CARD6: variants seen among roughly 807,000 people sequenced by gnomAD.
CARD6 encodes the protein caspase recruitment domain family member 6.
A neutral mutation model predicts 23.6 loss-of-function variants in CARD6; 27 were observed. The observed-to-expected ratio is 1.14, with a 90% CI of 0.84 to 1.58. The LOEUF (loss-of-function observed/expected upper bound fraction) is 1.58. Among genes scored for constraint, CARD6 ranks in the 40% most tolerant of loss-of-function variants. The pLI, the probability that CARD6 is intolerant of heterozygous loss-of-function variation, is 0.00. For missense variants in CARD6, 1,214 were observed against 1,209.9 expected (o/e 1.00, Z -0.05); for synonymous variants, 397 against 431.8 (o/e 0.92, Z 1.00).
In CARD6 at chr5:40,852,743, C is replaced by T. The variant is rs776683333; in HGVS notation, c.1411C>T (p.Leu471Phe). The T allele has an allele frequency of 1.9e-6, 3 of 1,613,830 alleles. No homozygotes were observed. Among genetic ancestry groups the T allele is most frequent in the Non-Finnish European group, 1.7e-6 (2 of 1,179,878 alleles). Residue 471 changes from leucine to phenylalanine, a missense_variant, in exon 3 of 3, where the codon CTC becomes TTC. Transcript: ENST00000254691. ...CTGTAGCTTCTCTAAGTCCAGAATC[C>T]TCAACACACTTCTCAGCCCTGCCCA... ...GYCSFSKSRI[L>F]NTLLSPAQLK...
chr5:40,842,973 G>A (rs558623435), intron 1 of CARD6, among the ~76,000 whole-genome samples, 179 bp from the exon 2 acceptor site: 24 of 152,330 alleles, frequency 1.6e-4, no homozygotes, highest in African/African-American at 5.3e-4. Context: ...GGGAGGTTGA[G>A]GTTGCAGTGA....
At chr5:40,843,964 T>C (rs1019240210) in intron 2 of CARD6, among the ~76,000 whole-genome samples, 1 of 152,216 alleles carries the variant, frequency 6.6e-6, no homozygotes, top group Non-Finnish European at 1.5e-5. Context: ...ATTTCTGTAG[T>C]TCGTATAAGG....
At position 40,852,645 on chromosome 5, in the gene CARD6, G is replaced by A. The variant is rs1278581371; in HGVS notation, c.1313G>A (p.Gly438Glu). Residue 438 changes from glycine (G) to glutamate (E), a missense_variant, in exon 3 of 3, where the codon GGG becomes GAG. By Grantham distance (98) the Gly-to-Glu change is moderately conservative. Transcript: ENST00000254691. ...VKKQSTQFSG[G>E]PTEDTEKFLT... ...AAGCAGTCAACACAGTTTTCAGGGG[G>A]GCCTACAGAGGATACAGAAAAGTTT... 1 of 1,614,152 alleles carries A rather than the reference G, an allele frequency of 6.2e-7. No homozygotes were observed. The highest frequency in any genetic ancestry group is 1.1e-5 in the South Asian group (1 of 91,076).
Position 40,853,893 on chromosome 5 carries a change from C to G in CARD6, c.2561C>G (p.Ser854Cys), listed in dbSNP as rs758324008. The change falls in exon 3 of 3, where the codon TCC becomes TGC. Residue 854 changes from serine to cysteine, a missense_variant. By Grantham distance (112) the Ser-to-Cys change is moderately radical. Transcript: ENST00000254691. ...GCCTCCAAGATAGGTCACTCCTATTCCCTGGATTCACAGCCAGCAAGAGCA... is the reference window on the plus strand; with the variant it reads ...GCCTCCAAGATAGGTCACTCCTATTGCCTGGATTCACAGCCAGCAAGAGCA... ...AVASKIGHSY[S>C]LDSQPARAVG... 7.4e-6 allele frequency: 12 copies of G among 1,614,040 alleles called. No homozygotes were observed. The highest frequency in any genetic ancestry group is 1.1e-5 in the South Asian group (1 of 91,090).
At position 40,852,177 on chromosome 5, in the gene CARD6, G is replaced by GA; in HGVS notation, c.851dup (p.Val285GlyfsTer3). 4 of 1,594,122 alleles carry GA rather than the reference G, an allele frequency of 2.5e-6. No individual in the cohort carries two copies. Among genetic ancestry groups the GA allele is most frequent in the Non-Finnish European group, 3.4e-6 (4 of 1,167,362 alleles). On this transcript the variant is annotated frameshift_variant, in exon 3 of 3. Transcript: ENST00000254691. LOFTEE classifies it low-confidence loss of function (END_TRUNC). Reference sequence around the variant, plus strand: ...ACTATTATCTTCTCTCCTACAGAAAGAAAAAAGGTGTTTAAAGATGTCCTG... The same window carrying GA: ...ACTATTATCTTCTCTCCTACAGAAAGAAAAAAAGGTGTTTAAAGATGTCCTG...
chr5:40,843,150 A>G lies in CARD6; in HGVS notation c.284-2A>G. Reference sequence around the variant, plus strand: ...TGGGAAAAACAATTCTTTTCTTTGCAGAAGTTTTAAAACATGAGAATACAG... The same window carrying G: ...TGGGAAAAACAATTCTTTTCTTTGCGGAAGTTTTAAAACATGAGAATACAG... On this transcript the variant is annotated splice_acceptor_variant, in intron 1 of 2. Transcript: ENST00000254691. LOFTEE classifies it high-confidence loss of function. The G allele has an allele frequency of 6.4e-7, 1 of 1,562,818 alleles. No homozygotes were observed. Among genetic ancestry groups the G allele is most frequent in the African/African-American group, 1.4e-5 (1 of 72,314 alleles).
chr5:40,843,158 T>G lies in CARD6; in HGVS notation c.290T>G (p.Leu97Ter). 2.5e-6 allele frequency: 4 copies of G among 1,570,756 alleles called. No individual in the cohort carries two copies. The South Asian group carries it at 4.8e-5, about 19-fold the overall frequency. Residue 97 changes from leucine to a stop codon, truncating the protein, a stop_gained, in exon 2 of 3, where the codon TTA (leucine) becomes TGA (stop). Coordinates refer to ENST00000254691, the MANE Select transcript of CARD6 (RefSeq NM_032587.4). LOFTEE classifies it high-confidence loss of function. ...ACAATTCTTTTCTTTGCAGAAGTTT[T>G]AAAACATGAGAATACAGTACCTCCT... ...AAICGLRHEV[L>*]KHENTVPPQS...
At position 40,852,279 on chromosome 5, in the gene CARD6, A is replaced by G. The variant is rs1310279332; in HGVS notation, c.947A>G (p.Lys316Arg). The part of the protein sequence containing the change: ...VKQFSLDRGC[K>R]WTPESPGDLA... Reference sequence around the variant, plus strand: ...CAATTCTCCTTAGATCGAGGATGTAAGTGGACCCCTGAGAGTCCAGGAGAC... The same window carrying G: ...CAATTCTCCTTAGATCGAGGATGTAGGTGGACCCCTGAGAGTCCAGGAGAC... Residue 316 changes from lysine (K) to arginine (R), a missense_variant, in exon 3 of 3, where the codon AAG becomes AGG. By Grantham distance (26) the Lys-to-Arg change is conservative. Coordinates refer to ENST00000254691, the MANE Select transcript of CARD6 (RefSeq NM_032587.4). 2 of 1,614,088 alleles carry G rather than the reference A, an allele frequency of 1.2e-6. No individual in the cohort carries two copies. Among genetic ancestry groups the G allele is most frequent in the Middle Eastern group, 3.3e-4 (2 of 6,062 alleles).
In CARD6 at chr5:40,852,702, T is replaced by C. The variant is rs1746091158; in HGVS notation, c.1370T>C (p.Phe457Ser). The C allele has an allele frequency of 1.2e-6, 2 of 1,614,140 alleles. No homozygotes were observed. Among genetic ancestry groups the C allele is most frequent in the Middle Eastern group, 1.7e-4 (1 of 6,060 alleles). Reference protein sequence around the residue: ...LTLMKMPVISFVRLGYCSFSK... With the variant: ...LTLMKMPVISSVRLGYCSFSK... ...CTCATGAAGATGCCTGTCATCTCTTTTGTGCGTCTAGGATACTGTAGCTTC... is the reference window on the plus strand; with the variant it reads ...CTCATGAAGATGCCTGTCATCTCTTCTGTGCGTCTAGGATACTGTAGCTTC... Residue 457 changes from phenylalanine (F) to serine (S), a missense_variant, in exon 3 of 3, where the codon TTT becomes TCT. By Grantham distance (155) the Phe-to-Ser change is radical. Coordinates refer to ENST00000254691, the MANE Select transcript of CARD6 (RefSeq NM_032587.4).
At chr5:40,845,397 A>G (rs1745950020) in intron 2 of CARD6, among the ~76,000 whole-genome samples, 1 of 152,184 alleles carries the variant, frequency 6.6e-6, no homozygotes, top group African/African-American at 2.4e-5. Context: ...TACATCTGCA[A>G]TGGCCCTATT....
Position 40,852,482 on chromosome 5 carries a change from C to T in CARD6, c.1150C>T (p.Leu384=), listed in dbSNP as rs767540928. 6.2e-7 allele frequency: 1 copy of T among 1,614,206 alleles called. No individual in the cohort carries two copies. The highest frequency in any genetic ancestry group is 1.1e-5 in the South Asian group (1 of 91,086). Residue 384 remains leucine (L), a synonymous_variant, in exon 3 of 3, where the codon CTG becomes TTG. Transcript: ENST00000254691. ...CCTTGACGTGCTTTGTGCCACCATG[C>T]TGTGTTCAGATAGCTCTTTGCAACG... The part of the protein sequence containing the change: ...NPLDVLCATM[L]CSDSSLQRQV...
rs978783199 is a variant in CARD6 at position 40,843,492 on chromosome 5, C to T, written c.624C>T (p.Tyr208=). 1 of 1,608,456 alleles carries T rather than the reference C, an allele frequency of 6.2e-7. No homozygotes were observed. The highest frequency in any genetic ancestry group is 2.2e-5 in the East Asian group (1 of 44,874). ...QRYEELDDSL[Y]LGKEEYLGSV... ...ATGAGGAGCTAGATGATTCTTTATA[C>T]TTAGGAAAAGAGGAATATCTAGGAT... The change falls in exon 2 of 3, where the codon TAC becomes TAT. Residue 208 remains tyrosine, a synonymous_variant. Coordinates refer to ENST00000254691, the MANE Select transcript of CARD6 (RefSeq NM_032587.4).
rs1746172645 is a variant in CARD6 at position 40,855,300 on chromosome 5, C to T, written c.*854C>T. On this transcript the variant is annotated 3_prime_UTR_variant, in exon 3 of 3. Transcript: ENST00000254691. ...AATGGGAAAACTCTCTCATTTGACC[C>T]TTATAGGTAGAAATAATGAATTAAC... is the stretch of plus-strand genomic sequence containing the variant. 1 of 152,324 alleles carries T rather than the reference C, an allele frequency of 6.6e-6. No homozygotes were observed. Among genetic ancestry groups the T allele is most frequent in the Non-Finnish European group, 1.5e-5 (1 of 68,034 alleles). 9.4% of individuals were successfully genotyped at this position (152,324 alleles called of 1,614,324 possible).
intron 1 of CARD6, among the ~76,000 whole-genome samples, 200 bp downstream of exon 1, chr5:40,841,865 A>C (rs1745870045): frequency 6.6e-6 from 1 of 152,242 alleles, no homozygotes; most frequent in African/African-American, 2.4e-5. Flanking sequence ...TACTGAATCG[A>C]TAATTTGTTT....
intron 2 of CARD6, 136 bp downstream of exon 2, chr5:40,843,845 T>C (rs1745921042): frequency 7.0e-6 from 4 of 569,588 alleles, no homozygotes; most frequent in Admixed American, 7.5e-5. Flanking sequence ...TCCTCGTGCC[T>C]CTCTGACCTG....
chr5:40,854,484 C>T lies in CARD6; in HGVS notation c.*38C>T. On this transcript the variant is annotated 3_prime_UTR_variant, in exon 3 of 3. Transcript: ENST00000254691. ...AGAGATCTATAAAGCATATCCTTTA[C>T]CCAGGCCATTCCTATCATATAGTAA... 4.0e-6 allele frequency: 6 copies of T among 1,506,208 alleles called. No individual in the cohort carries two copies. The highest frequency in any genetic ancestry group is 5.5e-6 in the Non-Finnish European group (6 of 1,089,918). The allele number at this position is 1,506,208 out of a possible 1,614,324, so 93.3% of individuals were successfully genotyped here.
intron 2 of CARD6, among the ~76,000 whole-genome samples, chr5:40,848,013 AT>A (rs1579802814): frequency 6.6e-6 from 1 of 150,886 alleles, no homozygotes; most frequent in Non-Finnish European, 1.5e-5. Context: ...TTTCTTTAAT[AT>A]TTTTTCTCTC....
chr5:40,850,372 C>A (rs1746041831), intron 2 of CARD6, among the ~76,000 whole-genome samples: 1 of 142,634 alleles, frequency 7.0e-6, no homozygotes, highest in Non-Finnish European at 1.5e-5. Context: ...TGAGATCGTG[C>A]CACTGCACTC....
rs780157407 is a variant in CARD6, at chr5:40,854,223, C to T, written c.2891C>T (p.Pro964Leu). ...HSQPKPFHSV[P>L]SQPKSSQTKS... is the part of the protein sequence containing the mutation. ...CAGCCTAAACCCTTCCATTCTGTGC[C>T]CTCTCAACCTAAATCCTCTCAGACA... The change falls in exon 3 of 3, where the codon CCC becomes CTC. Residue 964 changes from proline to leucine, a missense_variant. Coordinates refer to ENST00000254691, the MANE Select transcript of CARD6 (RefSeq NM_032587.4). 5 of 1,614,158 alleles carry T rather than the reference C, an allele frequency of 3.1e-6. No homozygotes were observed. The highest frequency in any genetic ancestry group is 2.7e-5 in the African/African-American group (2 of 75,032).
Sources: allele counts gnomAD v4.1 joint callset (sites outside exome capture counted in the v4.1 genomes callset), GRCh38; gene constraint gnomAD v4.1.1; transcripts MANE v1.5; gene names NCBI Gene and HGNC (gene_info 2026-07-23, HGNC 2026-07-21).